Variants in SF3A3 observed in about 807,000 individuals in gnomAD.
SF3A3 encodes splicing factor 3a subunit 3, also known as SAP 61.
In SF3A3, 9 loss-of-function variants were observed where a neutral mutation model predicts 85.8. The observed-to-expected ratio is 0.10, with a 90% CI of 0.06 to 0.18. The LOEUF (loss-of-function observed/expected upper bound fraction) is 0.18. Among genes scored for constraint, SF3A3 ranks in the 10% least tolerant of loss-of-function variants. The pLI is 1.00. For missense variants in SF3A3, 306 were observed against 593.3 expected, an observed-to-expected ratio of 0.52 and a Z score of 5.03; for synonymous variants, 195 against 204.4, an observed-to-expected ratio of 0.95 and a Z score of 0.39.
intron 15 of SF3A3, among the ~76,000 whole-genome samples, chr1:37,967,686 A>AAAAAAAC (rs1646312280): frequency 7.3e-6 from 1 of 137,670 alleles, no homozygotes; most frequent in Non-Finnish European, 1.5e-5. Context: ...ACAAAAAAAA[A>AAAAAAAC]AAAAAAAAAA....
chr1:37,980,504 C>T, intron 8 of SF3A3, 82 bp downstream of exon 8: 1 of 1,469,870 alleles, frequency 6.8e-7, no homozygotes. Context: ...ACCTAATGCC[C>T]TAAAGTGGAA....
At chr1:37,976,301 A>C (rs906317850) in intron 12 of SF3A3, among the ~76,000 whole-genome samples, 2 of 151,256 alleles carry the variant, frequency 1.3e-5, no homozygotes, top group Non-Finnish European at 2.9e-5. Context: ...TTTTCCTCCT[A>C]CTCCTCTCCC....
At chr1:37,986,811 CAAAAAAAAA>C (rs1186890843) in intron 4 of SF3A3, among the ~76,000 whole-genome samples, 2 of 62,260 alleles carry the variant, frequency 3.2e-5, no homozygotes, top group Non-Finnish European at 5.4e-5. Context: ...GACTCCATCT[CAAAAAAAAA>C]AAAAAAAAAA....
intron 12 of SF3A3, among the ~76,000 whole-genome samples, chr1:37,976,185 A>C (rs1646378641): frequency 6.6e-6 from 1 of 151,532 alleles, no homozygotes. Context: ...TACACAGCAG[A>C]CACAATCAGA....
chr1:37,974,822 A>G (rs1646369084), intron 12 of SF3A3, among the ~76,000 whole-genome samples: 1 of 152,218 alleles, frequency 6.6e-6, no homozygotes, highest in Admixed American at 6.5e-5. Context: ...CTCATAAGCC[A>G]TATTCCACAC....
rs772562913 is a variant in SF3A3, at chr1:37,987,640, T to C, written c.236A>G (p.Asn79Ser). 47 of 1,614,022 alleles carry C rather than the reference T, an allele frequency of 2.9e-5. No homozygotes were observed. The highest frequency in any genetic ancestry group is 1.1e-4 in the African/African-American group (8 of 74,918). The change falls in exon 4 of 17, where the codon AAT becomes AGT. Residue 79 changes from asparagine (N) to serine (S), a missense_variant. Coordinates refer to ENST00000373019, the MANE Select transcript of SF3A3 (RefSeq NM_006802.4). Reference protein sequence around the residue: ...KEELNAISGPNEFAEFYNRLK... With the variant: ...KEELNAISGPSEFAEFYNRLK... ...TCTATTATAGAATTCAGCAAACTCA[T>C]TGGGTCCTGAAATGGCATTGAGCTC...
At chr1:37,963,936 C>A (rs1461051336) in intron 15 of SF3A3, among the ~76,000 whole-genome samples, 1 of 148,052 alleles carries the variant, frequency 6.8e-6, no homozygotes, top group Admixed American at 6.7e-5. Context: ...AATCCCAGCA[C>A]TTTGGGAGGC....
intron 2 of SF3A3, among the ~76,000 whole-genome samples, chr1:37,989,335 A>T (rs928675493): frequency 2.6e-5 from 4 of 151,840 alleles, no homozygotes; most frequent in Admixed American, 6.6e-5. Context: ...CACCTTTCTG[A>T]TTAATGAAGA....
chr1:37,988,618 G>T (rs1473599427), intron 2 of SF3A3, among the ~76,000 whole-genome samples: 1 of 152,142 alleles, frequency 6.6e-6, no homozygotes, highest in Non-Finnish European at 1.5e-5. Flanking sequence ...CTTGTAATCT[G>T]ATAATCTCCT....
intron 8 of SF3A3, among the ~76,000 whole-genome samples, chr1:37,979,855 G>C (rs1646405009): frequency 1.4e-5 from 2 of 147,030 alleles, no homozygotes. Context: ...TGGAGACTTT[G>C]TCTCCCAAAA....
chr1:37,962,285 CAAAAAAAAAAAAAAAA>C (rs10559284), intron 15 of SF3A3, among the ~76,000 whole-genome samples: 5 of 26,512 alleles, frequency 1.9e-4, no homozygotes, highest in Admixed American at 1.4e-3. Context: ...GCGAGACTGT[CAAAAAAAAAAAAAAAA>C]AAAAAAAAAA....
intron 8 of SF3A3, among the ~76,000 whole-genome samples, 175 bp downstream of exon 8, chr1:37,980,411 C>T (rs1041014689): frequency 2.6e-5 from 4 of 151,034 alleles, no homozygotes; most frequent in African/African-American, 7.3e-5. Flanking sequence ...GCAACAAAAG[C>T]GAAACTCCGT....
At chr1:37,987,139 C>T (rs571314513) in intron 4 of SF3A3, among the ~76,000 whole-genome samples, 3 of 152,144 alleles carry the variant, frequency 2.0e-5, no homozygotes, top group South Asian at 4.2e-4. Context: ...AGTGCAATGG[C>T]GCAATCTCGG....
At chr1:37,975,291 G>C (rs756202818) in intron 12 of SF3A3, among the ~76,000 whole-genome samples, 1 of 152,104 alleles carries the variant, frequency 6.6e-6, no homozygotes, top group Non-Finnish European at 1.5e-5. Context: ...CAAGGCAGGC[G>C]GATCACTTGA....
intron 6 of SF3A3, among the ~76,000 whole-genome samples, chr1:37,983,920 T>C (rs940762308): frequency 6.6e-5 from 10 of 151,952 alleles, no homozygotes; most frequent in Non-Finnish European, 1.3e-4. Context: ...CTGGGCAACA[T>C]GGTAAGACCT....
At chr1:37,964,313 G>C (rs1307401875) in intron 15 of SF3A3, among the ~76,000 whole-genome samples, 1 of 151,930 alleles carries the variant, frequency 6.6e-6, no homozygotes, top group Non-Finnish European at 1.5e-5. Flanking sequence ...AGGCGTTGTG[G>C]AAAGAGGAAA....
chr1:37,959,957 C>CAAAAA (rs34993722), intron 16 of SF3A3, among the ~76,000 whole-genome samples, 163 bp downstream of exon 16: 1 of 97,344 alleles, frequency 1.0e-5, no homozygotes, highest in South Asian at 3.6e-4. Flanking sequence ...GACTCCGTGT[C>CAAAAA]AAAAAAAAAA....
At chr1:37,961,783 A>AAAAAAAAAAAAAAT (rs1646261010) in intron 15 of SF3A3, among the ~76,000 whole-genome samples, 2 of 134,196 alleles carry the variant, frequency 1.5e-5, no homozygotes, top group East Asian at 4.6e-4. Context: ...AAAAAAAAAA[A>AAAAAAAAAAAAAAT]GAAAGAAAGA....
Position 37,979,501 on chromosome 1 carries a change from T to C in SF3A3, c.723A>G (p.Gly241=). 1 of 1,613,316 alleles carries C rather than the reference T, an allele frequency of 6.2e-7. No individual in the cohort carries two copies. The highest frequency in any genetic ancestry group is 8.5e-7 in the Non-Finnish European group (1 of 1,179,328). Residue 241 remains glycine (G), a synonymous_variant, in exon 9 of 17, where the codon GGA becomes GGG. Coordinates refer to ENST00000373019, the MANE Select transcript of SF3A3 (RefSeq NM_006802.4). The part of the protein sequence containing the change: ...KETSSALTHA[G]AHLDLSAFSS... ...AGAATGCAGAGAGGTCAAGATGGGCTCCAGCATGGGTCAGGGCACTGCTTG... is the reference window on the plus strand; with the variant it reads ...AGAATGCAGAGAGGTCAAGATGGGCCCCAGCATGGGTCAGGGCACTGCTTG...
Sources: allele counts gnomAD v4.1 joint callset (sites outside exome capture counted in the v4.1 genomes callset), GRCh38; gene constraint gnomAD v4.1.1; transcripts MANE v1.5; gene names NCBI Gene and HGNC (gene_info 2026-07-23, HGNC 2026-07-21).